Variants in STK3 observed in about 807,000 individuals in gnomAD.
The protein encoded by STK3 is serine/threonine-protein kinase 3.
In STK3, 41 loss-of-function variants were observed where a neutral mutation model predicts 58.0. The ratio of observed to expected loss-of-function variants is 0.71; its 90% CI spans 0.55 to 0.92. STK3 has a LOEUF of 0.92. Ranked by LOEUF, STK3 falls within the 40% of genes least tolerant of loss-of-function variation. STK3 has a pLI of 0.00. For missense variants in STK3, 479 were observed against 602.7 expected, an observed-to-expected ratio of 0.79 and a Z score of 2.15; for synonymous variants, 170 against 191.0, an observed-to-expected ratio of 0.89 and a Z score of 0.91.
intron 3 of STK3, among the ~76,000 whole-genome samples, chr8:98,426,355 A>C (rs571879482): frequency 3.9e-5 from 6 of 152,132 alleles, no homozygotes; most frequent in Non-Finnish European, 8.8e-5. Flanking sequence ...ACACACAGAC[A>C]CTGAAAAGTC....
At chr8:98,593,151 T>C (rs1196796630) in intron 7 of STK3, among the ~76,000 whole-genome samples, 1 of 152,210 alleles carries the variant, frequency 6.6e-6, no homozygotes, top group Non-Finnish European at 1.5e-5. Context: ...AGACTGAAAC[T>C]GAACCTTGTC....
chr8:98,801,186 A>G (rs1226968735), intron 1 of STK3, among the ~76,000 whole-genome samples: 439 of 150,784 alleles, frequency 2.9e-3, no homozygotes, highest in African/African-American at 0.01. Context: ...GATTGTAAAT[A>G]CACCAATTAG....
intron 1 of STK3, among the ~76,000 whole-genome samples, chr8:98,795,779 C>T (rs958584249): frequency 6.6e-6 from 1 of 151,428 alleles, no homozygotes; most frequent in African/African-American, 2.4e-5. Context: ...AACACGATCC[C>T]ATTTACAATG....
intron 10 of STK3, among the ~76,000 whole-genome samples, chr8:98,494,884 G>C (rs981772084): frequency 6.6e-5 from 10 of 152,116 alleles, no homozygotes; most frequent in African/African-American, 2.4e-4. Context: ...GACACCAGGA[G>C]CCCAACTGTG....
chr8:98,665,183 A>C (rs1822244123), intron 6 of STK3, among the ~76,000 whole-genome samples: 1 of 152,194 alleles, frequency 6.6e-6, no homozygotes, highest in Non-Finnish European at 1.5e-5. Flanking sequence ...CTTGAAAGGT[A>C]TTACATCTTT....
At chr8:98,601,475 G>C (rs2130058820) in intron 6 of STK3, 1 of 152,272 alleles carries the variant, frequency 6.6e-6, no homozygotes, top group Non-Finnish European at 1.5e-5. Context: ...CACTCTCTCA[G>C]ATAGAAGTCC....
intron 3 of STK3, among the ~76,000 whole-genome samples, chr8:98,404,134 C>T (rs557096838): frequency 2.6e-5 from 4 of 152,160 alleles, no homozygotes; most frequent in African/African-American, 7.2e-5. Flanking sequence ...CCATTTACAG[C>T]GAATCTAGTT....
intron 7 of STK3, among the ~76,000 whole-genome samples, chr8:98,584,465 A>G (rs1391108933): frequency 2.0e-5 from 3 of 151,840 alleles, no homozygotes; most frequent in Non-Finnish European, 4.4e-5. Context: ...TCCATGGCAT[A>G]TATGTGCCAC....
At chr8:98,915,235 C>T (rs1175392797) in intron 1 of STK3, among the ~76,000 whole-genome samples, 2 of 151,852 alleles carry the variant, frequency 1.3e-5, no homozygotes, top group Admixed American at 1.3e-4. Context: ...CTGCCAGCAC[C>T]ACTAGAACAT....
At chr8:98,622,510 G>A (rs1818408429) in intron 6 of STK3, among the ~76,000 whole-genome samples, 3 of 152,284 alleles carry the variant, frequency 2.0e-5, no homozygotes, top group Non-Finnish European at 2.9e-5. Flanking sequence ...GTTTGGTATA[G>A]TAAGTGCAAA....
chr8:98,509,943 A>G (rs1824373455), intron 10 of STK3, among the ~76,000 whole-genome samples: 1 of 152,064 alleles, frequency 6.6e-6, no homozygotes, highest in African/African-American at 2.4e-5. Context: ...CTTTTTAAAT[A>G]AAAACAAGTT....
chr8:98,702,474 A>G (rs1825697566), intron 6 of STK3, among the ~76,000 whole-genome samples: 1 of 152,204 alleles, frequency 6.6e-6, no homozygotes, highest in Non-Finnish European at 1.5e-5. Flanking sequence ...AAACAGTATT[A>G]ATTTGTGGCC....
At chr8:98,502,381 C>A (rs534984933) in intron 10 of STK3, among the ~76,000 whole-genome samples, 14 of 152,008 alleles carry the variant, frequency 9.2e-5, no homozygotes, top group African/African-American at 3.1e-4. Context: ...TCTTTTCCTA[C>A]TTGAATACCC....
chr8:98,765,469 T>A (rs886768589), intron 3 of STK3, among the ~76,000 whole-genome samples: 1 of 152,180 alleles, frequency 6.6e-6, no homozygotes, highest in African/African-American at 2.4e-5. Flanking sequence ...AAGCTTTCCA[T>A]AAATCTCTAA....
chr8:98,548,963 A>G (rs1193172043), intron 8 of STK3, among the ~76,000 whole-genome samples: 2 of 152,176 alleles, frequency 1.3e-5, no homozygotes, highest in African/African-American at 4.8e-5. Flanking sequence ...AGGCTGAATG[A>G]TATTCCATTG....
intron 7 of STK3, among the ~76,000 whole-genome samples, chr8:98,580,431 T>C (rs748691517): frequency 2.0e-5 from 3 of 152,182 alleles, no homozygotes; most frequent in Non-Finnish European, 1.5e-5. Context: ...ACTATCAGAA[T>C]AGACCTAGGT....
intron 3 of STK3, among the ~76,000 whole-genome samples, chr8:98,407,773 T>C (rs568579172): frequency 1.4e-5 from 2 of 145,924 alleles, no homozygotes; most frequent in Non-Finnish European, 3.0e-5. Context: ...CGCGCGCGCA[T>C]GCATGGTATG....
chr8:98,403,407 G>A (rs1157789750), intron 3 of STK3, among the ~76,000 whole-genome samples: 2 of 152,208 alleles, frequency 1.3e-5, no homozygotes, highest in East Asian at 3.8e-4. Context: ...ATCCCAGGAA[G>A]CCCCAGCAGG....
intron 8 of STK3, among the ~76,000 whole-genome samples, chr8:98,573,970 T>A (rs962363967): frequency 1.3e-5 from 2 of 151,964 alleles, no homozygotes; most frequent in African/African-American, 4.8e-5. Flanking sequence ...TCAGACCTCA[T>A]GATAACTCAC....
Sources: gnomAD v4.1 joint callset for allele counts (sites outside exome capture counted in the v4.1 genomes callset) on GRCh38, gnomAD v4.1.1 for gene constraint, MANE v1.5 for transcripts, NCBI Gene and HGNC (gene_info 2026-07-23, HGNC 2026-07-21) for gene names.